DMTF1: variants seen among roughly 807,000 people sequenced by gnomAD.
The protein encoded by DMTF1 is cyclin D binding myb like transcription factor 1.
In DMTF1, 39 loss-of-function variants were observed where a neutral mutation model predicts 91.1. The observed-to-expected ratio is 0.43, with a 90% CI of 0.33 to 0.56. DMTF1 has a LOEUF of 0.56. Ranked by LOEUF, DMTF1 falls within the 20% of genes least tolerant of loss-of-function variation. The pLI is 0.05. For missense variants in DMTF1, 750 were observed against 914.5 expected (o/e 0.82, Z 2.32); for synonymous variants, 338 against 309.5 (o/e 1.09, Z -0.97).
intron 13 of DMTF1, 140 bp downstream of exon 13, chr7:87,188,441 TAGTTC>T (rs917020606): frequency 1.3e-5 from 11 of 843,392 alleles, no homozygotes; most frequent in South Asian, 6.7e-5. Context: ...ATATTTTGTT[TAGTTC>T]AGTTAATATT....
At chr7:87,173,311 TG>T (rs1795530148) in intron 5 of DMTF1, among the ~76,000 whole-genome samples, 1 of 152,174 alleles carries the variant, frequency 6.6e-6, no homozygotes, top group African/African-American at 2.4e-5. Flanking sequence ...ATTGTGTTAA[TG>T]CATATAATTT....
intron 13 of DMTF1, among the ~76,000 whole-genome samples, 197 bp from the exon 14 acceptor site, chr7:87,190,748 C>T (rs1219562815): frequency 6.6e-6 from 1 of 151,916 alleles, no homozygotes; most frequent in African/African-American, 2.4e-5. Context: ...TTAGCCCACC[C>T]CTGCACTATA....
At position 87,196,021 on chromosome 7, in the gene DMTF1, A is replaced by T. The variant is rs942653837; in HGVS notation, c.*881A>T. On this transcript the variant is annotated 3_prime_UTR_variant, in exon 18 of 18. Transcript: ENST00000331242. ...ATAACCTCTCATCTCAGGCTATTTT[A>T]AAAAAACAATATTTGCTTCTATAAC... 2.0e-5 allele frequency: 3 copies of T among 152,364 alleles called. No individual in the cohort carries two copies. The highest frequency in any genetic ancestry group is 4.4e-5 in the Non-Finnish European group (3 of 68,030). The allele number at this position is 152,364 out of a possible 1,614,324, so 9.4% of individuals were successfully genotyped here. A position where few individuals can be genotyped will look rare whatever the true frequency, so the allele number is the denominator to read the frequency against.
At chr7:87,161,821 TA>T (rs1311150767) in intron 1 of DMTF1, among the ~76,000 whole-genome samples, 1 of 152,198 alleles carries the variant, frequency 6.6e-6, no homozygotes, top group East Asian at 1.9e-4. Flanking sequence ...TTTTAAAAAA[TA>T]ACTATTGGCA....
chr7:87,179,137 C>T (rs73206976), intron 7 of DMTF1, among the ~76,000 whole-genome samples: 5,599 of 151,894 alleles, frequency 0.037, 127 homozygotes, highest in East Asian at 0.065. Context: ...TTTGGCAGAA[C>T]TTTAATCATT....
intron 1 of DMTF1, 189 bp downstream of exon 1, chr7:87,152,744 A>G (rs1296416337): frequency 1.9e-5 from 3 of 154,264 alleles, no homozygotes; most frequent in African/African-American, 7.2e-5. Context: ...CGTTCCGGCC[A>G]GGGCCTCCCT....
At chr7:87,179,516 C>A in intron 7 of DMTF1, 29 bp from the exon 8 acceptor site, 1 of 1,470,120 alleles carries the variant, frequency 6.8e-7, no homozygotes, top group Non-Finnish European at 9.0e-7. Flanking sequence ...ATCAGAAATC[C>A]CTAAATCAAA....
intron 10 of DMTF1, among the ~76,000 whole-genome samples, chr7:87,183,756 AAGAC>A (rs139693169): frequency 0.037 from 5,602 of 152,308 alleles, 120 homozygotes; most frequent in East Asian, 0.064. Context: ...CCATAAGAAA[AAGAC>A]AGAGAGGAAC....
intron 4 of DMTF1, among the ~76,000 whole-genome samples, chr7:87,168,470 G>A (rs1794330343): frequency 6.6e-6 from 1 of 152,020 alleles, no homozygotes; most frequent in Non-Finnish European, 1.5e-5. Flanking sequence ...CTCTAACTCT[G>A]TAGTCTTTTG....
At chr7:87,181,458 TA>T (rs1353055865) in intron 9 of DMTF1, 117 bp downstream of exon 9, 1 of 515,862 alleles carries the variant, frequency 1.9e-6, no homozygotes, top group African/African-American at 1.9e-5. Context: ...ATTGTGCTAT[TA>T]AGCATGATTG....
chr7:87,194,146 G>T lies in DMTF1; in HGVS notation c.2028+44G>T, dbSNP rs767428142. 12 of 1,509,832 alleles carry T rather than the reference G, an allele frequency of 7.9e-6. No homozygotes were observed. In the East Asian group the frequency reaches 2.5e-4, roughly 32 times the overall value. The allele number at this position is 1,509,832 out of a possible 1,614,324, so 93.5% of individuals were successfully genotyped here. ...ACAACTGAATGGATTCTTGCCTTGA[G>T]CCTCAAACCTGCAGTTTGGGAAACT... On this transcript the variant is annotated intron_variant, in intron 16 of 17. Transcript: ENST00000331242.
At chr7:87,182,385 CCTGCCCCTTAGGATA>C (rs1797548260) in intron 10 of DMTF1, 48 bp downstream of exon 10, 1 of 1,586,288 alleles carries the variant, frequency 6.3e-7, no homozygotes, top group Admixed American at 1.7e-5. Flanking sequence ...ACTTAAGCCT[CCTGCCCCTTAGGATA>C]CTGCCTTTTC....
At chr7:87,189,969 T>G (rs886136682) in intron 13 of DMTF1, among the ~76,000 whole-genome samples, 4 of 152,142 alleles carry the variant, frequency 2.6e-5, no homozygotes, top group African/African-American at 4.8e-5. Context: ...GTAAGGGCAT[T>G]AGATTCCTTT....
intron 1 of DMTF1, among the ~76,000 whole-genome samples, chr7:87,153,167 T>G (rs991184152): frequency 2.6e-5 from 4 of 152,020 alleles, no homozygotes; most frequent in Non-Finnish European, 5.9e-5. Context: ...TCAGCCTTGC[T>G]CGGCGATTCA....
chr7:87,172,033 T>C (rs759652700), intron 5 of DMTF1, among the ~76,000 whole-genome samples: 17 of 152,200 alleles, frequency 1.1e-4, no homozygotes, highest in Non-Finnish European at 2.1e-4. Flanking sequence ...CTTTGGGAAA[T>C]GGTGATTTGA....
rs143108032 is a variant in DMTF1 at position 87,193,009 on chromosome 7, G to A, written c.1495-189G>A. The stretch of plus-strand genomic sequence containing the variant: ...GAGACCAGACCATAGAAATACACAG[G>A]AGCAAAGAGCAGCCTCTTAAACCTT... On this transcript the variant is annotated intron_variant, in intron 14 of 17. Transcript: ENST00000331242. The A allele has an allele frequency of 1.2e-3, 724 of 590,464 alleles. 6 individuals carry two copies. Among genetic ancestry groups the A allele is most frequent in the African/African-American group, 9.0e-3 (480 of 53,578 alleles). The allele number at this position is 590,464 out of a possible 1,614,324, so 36.6% of individuals were successfully genotyped here.
At chr7:87,178,086 C>T (rs1454390587) in intron 7 of DMTF1, among the ~76,000 whole-genome samples, 1 of 152,090 alleles carries the variant, frequency 6.6e-6, no homozygotes, top group Non-Finnish European at 1.5e-5. Flanking sequence ...AATATCTTCA[C>T]AGTATGTCAT....
chr7:87,182,440 C>A, intron 10 of DMTF1, 103 bp downstream of exon 10: 1 of 1,014,242 alleles, frequency 9.9e-7, no homozygotes, highest in Non-Finnish European at 1.5e-6. Flanking sequence ...TTAGATCATT[C>A]ACCTTAGTTC....
chr7:87,160,806 T>G (rs1458903934), intron 1 of DMTF1, among the ~76,000 whole-genome samples: 1 of 152,200 alleles, frequency 6.6e-6, no homozygotes, highest in Non-Finnish European at 1.5e-5. Flanking sequence ...TCTTAGGTTT[T>G]CTCCTGCATC....
Sources: gnomAD v4.1 joint callset for allele counts (sites outside exome capture counted in the v4.1 genomes callset) on GRCh38, gnomAD v4.1.1 for gene constraint, MANE v1.5 for transcripts, NCBI Gene and HGNC (gene_info 2026-07-23, HGNC 2026-07-21) for gene names.